The following SLC24A2 variants were observed in gnomAD, a reference collection of about 807,000 sequenced individuals.
The protein encoded by SLC24A2 is sodium/potassium/calcium exchanger 2.
SLC24A2 carries 36 observed loss-of-function variants against 62.0 expected under a neutral mutation model. The observed-to-expected ratio is 0.58, with a 90% CI of 0.44 to 0.77. The LOEUF is 0.77. Ranked by LOEUF, SLC24A2 falls within the 30% of genes least tolerant of loss-of-function variation. SLC24A2 has a pLI of 0.00. For synonymous variants in SLC24A2, 358 were observed against 294.0 expected (o/e 1.22, Z -2.23); for missense variants, 846 against 817.9 (o/e 1.03, Z -0.42).
the SLC24A2 span, among the ~76,000 whole-genome samples, chr9:20,278,103 G>C: frequency 1.1e-4 from 16 of 152,150 alleles, no homozygotes; most frequent in Admixed American, 9.8e-4. Context: ...GGGGGAGGGG[G>C]AGGGATAGCA....
At chr9:19,580,921 T>C (rs1215677336) in intron 5 of SLC24A2, among the ~76,000 whole-genome samples, 3 of 152,164 alleles carry the variant, frequency 2.0e-5, no homozygotes, top group Non-Finnish European at 4.4e-5. Flanking sequence ...GAGGGGCTCA[T>C]TTTCTGCCTG....
the SLC24A2 span, among the ~76,000 whole-genome samples, chr9:20,072,005 G>A: frequency 6.6e-6 from 1 of 152,070 alleles, no homozygotes; most frequent in South Asian, 2.1e-4. Context: ...CCAAGCACAG[G>A]AACTTCTGTC....
At chr9:19,929,523 C>T in the SLC24A2 span, 1 of 152,124 alleles carries the variant, frequency 6.6e-6, no homozygotes, top group Admixed American at 6.5e-5. Context: ...GGTAGAGCAA[C>T]ACATTACTCA....
intron 2 of SLC24A2, among the ~76,000 whole-genome samples, chr9:19,713,874 T>G: frequency 6.6e-6 from 1 of 152,146 alleles, no homozygotes; most frequent in East Asian, 1.9e-4. Flanking sequence ...CTGGAAGAAC[T>G]GTAAATATTC....
chr9:20,290,970 C>T, the SLC24A2 span, among the ~76,000 whole-genome samples: 17 of 152,260 alleles, frequency 1.1e-4, no homozygotes, highest in African/African-American at 4.1e-4. Flanking sequence ...AGCTATGGCC[C>T]TGCACCAAGG....
rs757207858 is a variant in SLC24A2 at position 19,632,840 on chromosome 9, G to C, written c.931-10541C>G. On this transcript the variant is annotated intron_variant, in intron 2 of 10. Coordinates refer to ENST00000341998, the MANE Select transcript of SLC24A2 (RefSeq NM_020344.4). This position sits in a 1 kb window ranked among gnomAD's most constrained non-coding sequence, Gnocchi z 4.5. ...TATATGTGCACCTATTTGTGTTTGT[G>C]CATAGTGTGTATGTAGTTCTATGCA... 4.6e-5 allele frequency among the ~76,000 whole-genome samples: 7 copies of C among 152,128 alleles called. No homozygotes were observed. Among genetic ancestry groups the C allele is most frequent in the Non-Finnish European group, 1.0e-4 (7 of 68,022 alleles).
At chr9:19,546,535 C>G (rs564477022) in intron 8 of SLC24A2, among the ~76,000 whole-genome samples, 2 of 152,134 alleles carry the variant, frequency 1.3e-5, no homozygotes, top group Non-Finnish European at 2.9e-5. Flanking sequence ...ACACCCCTTC[C>G]CCCACCAAGC....
At chr9:20,206,675 T>C in the SLC24A2 span, among the ~76,000 whole-genome samples, 1 of 151,984 alleles carries the variant, frequency 6.6e-6, no homozygotes, top group East Asian at 1.9e-4. Context: ...AGAGACGGGG[T>C]TTCACCATGT....
the SLC24A2 span, among the ~76,000 whole-genome samples, chr9:20,250,223 A>G: frequency 6.6e-6 from 1 of 152,232 alleles, no homozygotes; most frequent in Non-Finnish European, 1.5e-5. Context: ...AGAATAATAA[A>G]TCATCCTGCT....
chr9:19,683,768 G>C (rs1819792561), intron 2 of SLC24A2, among the ~76,000 whole-genome samples: 1 of 152,080 alleles, frequency 6.6e-6, no homozygotes, highest in Non-Finnish European at 1.5e-5. Flanking sequence ...TTCTTGTGCT[G>C]AGATGGGAGC....
At chr9:19,974,890 G>A in the SLC24A2 span, among the ~76,000 whole-genome samples, 2,982 of 152,258 alleles carry the variant, frequency 0.02, 39 homozygotes, top group Middle Eastern at 0.034. Flanking sequence ...TCACAGTCCC[G>A]TCAGGGTTAC....
At chr9:19,936,500 G>A in the SLC24A2 span, among the ~76,000 whole-genome samples, 2 of 152,006 alleles carry the variant, frequency 1.3e-5, no homozygotes, top group African/African-American at 2.4e-5. Flanking sequence ...TCTCAAACTC[G>A]CGTGCTCAAG....
the SLC24A2 span, among the ~76,000 whole-genome samples, chr9:20,285,621 C>T: frequency 6.6e-6 from 1 of 152,140 alleles, no homozygotes; most frequent in Admixed American, 6.5e-5. Flanking sequence ...CTCCATCTAC[C>T]AATTTAAATG....
intron 8 of SLC24A2, among the ~76,000 whole-genome samples, chr9:19,548,437 T>C (rs1221663469): frequency 6.6e-6 from 1 of 152,202 alleles, no homozygotes; most frequent in African/African-American, 2.4e-5. Context: ...GCCAACAATA[T>C]ACATATTCCT....
At chr9:20,149,591 A>G in the SLC24A2 span, among the ~76,000 whole-genome samples, 1 of 152,208 alleles carries the variant, frequency 6.6e-6, no homozygotes, top group Middle Eastern at 3.4e-3. Flanking sequence ...GTTACAGGTA[A>G]TATATAAACA....
intron 2 of SLC24A2, among the ~76,000 whole-genome samples, chr9:19,724,904 C>A (rs1422974838): frequency 1.3e-5 from 2 of 152,066 alleles, no homozygotes; most frequent in Non-Finnish European, 2.9e-5. Flanking sequence ...ACAGTTAAAT[C>A]CAAAATCCTA....
chr9:19,600,319 T>C (rs1346320900), intron 4 of SLC24A2, among the ~76,000 whole-genome samples: 1 of 152,218 alleles, frequency 6.6e-6, no homozygotes. Context: ...TTTTCTCCCT[T>C]ACGTATATTA....
chr9:19,703,802 T>A (rs958253830), intron 2 of SLC24A2, among the ~76,000 whole-genome samples: 16 of 152,316 alleles, frequency 1.1e-4, no homozygotes, highest in Admixed American at 2.6e-4. Context: ...CATTTTATAG[T>A]CTTATGTGCT....
chr9:20,006,169 T>C, the SLC24A2 span, among the ~76,000 whole-genome samples: 1 of 151,534 alleles, frequency 6.6e-6, no homozygotes, highest in Non-Finnish European at 1.5e-5. Context: ...TTTTCATATT[T>C]ATATATTAAT....
Sources: allele counts gnomAD v4.1 joint callset (sites outside exome capture counted in the v4.1 genomes callset), GRCh38; gene constraint gnomAD v4.1.1; non-coding constraint Gnocchi (gnomAD v3.1); transcripts MANE v1.5; gene names NCBI Gene and HGNC (gene_info 2026-07-23, HGNC 2026-07-21).